DAPK1: variants seen among roughly 807,000 people sequenced by gnomAD.
DAPK1 encodes death associated protein kinase 1.
A neutral mutation model predicts 144.9 loss-of-function variants in DAPK1; 56 were observed. The ratio of observed to expected loss-of-function variants is 0.39; its 90% CI spans 0.31 to 0.48. The LOEUF (loss-of-function observed/expected upper bound fraction) is 0.48. DAPK1 is among the 20% of genes least tolerant of loss of function. DAPK1 has a pLI of 0.95. For synonymous variants in DAPK1, 690 were observed against 749.0 expected (o/e 0.92, Z 1.29); for missense variants, 1,454 against 1,875.4 (o/e 0.78, Z 4.15).
chr9:87,606,690 CTCT>C, intron 3 of DAPK1, among the ~76,000 whole-genome samples: 7 of 97,624 alleles, frequency 7.2e-5, no homozygotes, highest in Non-Finnish European at 8.2e-5. Flanking sequence ...GTCCCTCCCT[CTCT>C]CCTTCCTTCC....
chr9:87,507,645 AT>A (rs111451985), intron 2 of DAPK1, among the ~76,000 whole-genome samples: 4 of 150,276 alleles, frequency 2.7e-5, no homozygotes, highest in East Asian at 2.0e-4. Flanking sequence ...AATGTTGTTG[AT>A]TTTTTTTTTC....
chr9:87,585,870 A>G (rs534957867), intron 2 of DAPK1, among the ~76,000 whole-genome samples: 2 of 152,324 alleles, frequency 1.3e-5, no homozygotes, highest in South Asian at 4.1e-4. Flanking sequence ...GGCAAAATCT[A>G]TCATAATCAT....
chr9:87,634,895 A>G (rs1343668686), intron 3 of DAPK1, among the ~76,000 whole-genome samples: 1 of 152,144 alleles, frequency 6.6e-6, no homozygotes, highest in East Asian at 1.9e-4. Context: ...CCCTGCTGCC[A>G]TGGGAGGACT....
At chr9:87,574,228 G>T (rs1827463676) in intron 2 of DAPK1, among the ~76,000 whole-genome samples, 1 of 152,180 alleles carries the variant, frequency 6.6e-6, no homozygotes, top group South Asian at 2.1e-4. Context: ...GCCACAGCTA[G>T]CTAGTTATGT....
intron 2 of DAPK1, among the ~76,000 whole-genome samples, chr9:87,551,439 C>A (rs1378234883): frequency 6.6e-6 from 1 of 152,182 alleles, no homozygotes. Flanking sequence ...AGTCACCGTG[C>A]GCAGCCTGTT....
chr9:87,678,200 C>T (rs1824471325), intron 19 of DAPK1, among the ~76,000 whole-genome samples: 2 of 152,224 alleles, frequency 1.3e-5, no homozygotes, highest in Non-Finnish European at 2.9e-5. Context: ...TTACAACACA[C>T]CTTGTGTCAC....
intron 2 of DAPK1, among the ~76,000 whole-genome samples, chr9:87,596,222 A>C (rs1828312120): frequency 6.6e-6 from 1 of 152,088 alleles, no homozygotes; most frequent in Admixed American, 6.5e-5. Context: ...GTGCAGGGAG[A>C]GTGTTTCCTC....
chr9:87,619,359 G>T (rs1829211908), intron 3 of DAPK1, among the ~76,000 whole-genome samples: 1 of 152,202 alleles, frequency 6.6e-6, no homozygotes, highest in Non-Finnish European at 1.5e-5. Flanking sequence ...TGCCAACCTT[G>T]TAGGAGAGGA....
chr9:87,621,445 C>G (rs1398300715), intron 3 of DAPK1, among the ~76,000 whole-genome samples: 1 of 152,228 alleles, frequency 6.6e-6, no homozygotes, highest in Admixed American at 6.5e-5. Context: ...TTCCTCCATT[C>G]CTGTAGCCAT....
intron 2 of DAPK1, among the ~76,000 whole-genome samples, chr9:87,499,512 A>G (rs538321346): frequency 1.3e-5 from 2 of 152,332 alleles, no homozygotes; most frequent in African/African-American, 4.8e-5. Context: ...CGGAGGGTAC[A>G]AACTAATTAA....
At chr9:87,610,437 G>C (rs760135538) in intron 3 of DAPK1, among the ~76,000 whole-genome samples, 12 of 152,238 alleles carry the variant, frequency 7.9e-5, no homozygotes, top group Non-Finnish European at 1.2e-4. Flanking sequence ...ATCTGGTGAA[G>C]GGCGAAGCCA....
At chr9:87,653,440 GAA>G (rs1819842482) in intron 17 of DAPK1, among the ~76,000 whole-genome samples, 1 of 152,132 alleles carries the variant, frequency 6.6e-6, no homozygotes, top group African/African-American at 2.4e-5. Context: ...TAGATAAACA[GAA>G]AATTATTATA....
intron 2 of DAPK1, among the ~76,000 whole-genome samples, chr9:87,504,000 C>A (rs1670209457): frequency 6.6e-6 from 1 of 152,170 alleles, no homozygotes; most frequent in African/African-American, 2.4e-5. Context: ...AAGTGCTTCT[C>A]TAGACCGGTT....
At chr9:87,503,833 T>C (rs1390812542) in intron 2 of DAPK1, among the ~76,000 whole-genome samples, 1 of 152,216 alleles carries the variant, frequency 6.6e-6, no homozygotes, top group Non-Finnish European at 1.5e-5. Context: ...ACAAGATCAG[T>C]TTTAAACAAA....
chr9:87,551,790 G>C (rs36232285), intron 2 of DAPK1, among the ~76,000 whole-genome samples: 1 of 152,142 alleles, frequency 6.6e-6, no homozygotes, highest in African/African-American at 2.4e-5. Flanking sequence ...TAACCAAGCC[G>C]GAGAGAGTCA....
chr9:87,702,890 T>C, intron 24 of DAPK1, 139 bp from the exon 25 acceptor site: 4 of 595,720 alleles, frequency 6.7e-6, no homozygotes, highest in African/African-American at 1.9e-5. Flanking sequence ...AAAAAAAACG[T>C]CAACAACAAC....
chr9:87,569,184 GTC>G (rs1827244031), intron 2 of DAPK1, among the ~76,000 whole-genome samples: 1 of 152,172 alleles, frequency 6.6e-6, no homozygotes, highest in Non-Finnish European at 1.5e-5. Flanking sequence ...TTGGTGTGGA[GTC>G]TGGTGAGGGC....
At chr9:87,615,466 C>T (rs1333842162) in intron 3 of DAPK1, among the ~76,000 whole-genome samples, 1 of 152,234 alleles carries the variant, frequency 6.6e-6, no homozygotes, top group African/African-American at 2.4e-5. Context: ...TAGAAATGGG[C>T]TCAAGGACCT....
At chr9:87,685,891 C>T (rs188260562) in intron 20 of DAPK1, among the ~76,000 whole-genome samples, 69 of 152,294 alleles carry the variant, frequency 4.5e-4, no homozygotes, top group Admixed American at 1.2e-3. Flanking sequence ...TCCCGCTAAA[C>T]GCCAATGCCC....
Sources: allele counts gnomAD v4.1 joint callset (sites outside exome capture counted in the v4.1 genomes callset), GRCh38; gene constraint gnomAD v4.1.1; transcripts MANE v1.5; gene names NCBI Gene and HGNC (gene_info 2026-07-23, HGNC 2026-07-21).